The following BCL9 variants were observed in gnomAD, a reference collection of about 807,000 sequenced individuals.
The protein encoded by BCL9 is B-cell CLL/lymphoma 9 protein.
A neutral mutation model predicts 88.5 loss-of-function variants in BCL9; 25 were observed. The observed-to-expected ratio is 0.28, with a 90% CI of 0.21 to 0.39. The LOEUF is 0.39. Ranked by LOEUF, BCL9 falls within the 10% of genes least tolerant of loss-of-function variation. The probability of loss-of-function intolerance (pLI) is 1.00; values close to 1 mark genes in which losing one functional copy is unlikely to be tolerated. For missense variants in BCL9, 1,817 were observed against 1,877.8 expected (o/e 0.97, Z 0.60); for synonymous variants, 711 against 673.3 (o/e 1.06, Z -0.87).
At position 147,618,975 on chromosome 1, in the gene BCL9, C is replaced by T. The variant is rs1409359526; in HGVS notation, c.820C>T (p.Leu274=). 2 of 1,613,474 alleles carry T rather than the reference C, an allele frequency of 1.2e-6. No individual in the cohort carries two copies. Among genetic ancestry groups the T allele is most frequent in the Non-Finnish European group, 1.7e-6 (2 of 1,179,652 alleles). Residue 274 remains leucine (L), a synonymous_variant, in exon 8 of 10, where the codon CTG becomes TTG. Coordinates refer to ENST00000234739, the MANE Select transcript of BCL9 (RefSeq NM_004326.4). ...APKPAAPPRP[L]DRESPGVENK... Reference sequence around the variant, plus strand: ...CAAGCCTGCCGCACCCCCACGTCCCCTGGACCGGGAGAGTCCTGGGGTAGA... The same window carrying T: ...CAAGCCTGCCGCACCCCCACGTCCCTTGGACCGGGAGAGTCCTGGGGTAGA...
At chr1:147,590,012 T>C (rs1049445603) in intron 1 of BCL9, among the ~76,000 whole-genome samples, 14 of 152,194 alleles carry the variant, frequency 9.2e-5, no homozygotes, top group Non-Finnish European at 1.8e-4. Context: ...TTGTCTTTCT[T>C]TTTTATTATA....
At chr1:147,594,805 A>T (rs782389725) in intron 1 of BCL9, among the ~76,000 whole-genome samples, 1 of 152,236 alleles carries the variant, frequency 6.6e-6, no homozygotes, top group Non-Finnish European at 1.5e-5. Flanking sequence ...TGGACAGAGC[A>T]TTTTGGTAGA....
chr1:147,603,584 C>T (rs1334189749), intron 1 of BCL9, among the ~76,000 whole-genome samples: 2 of 152,188 alleles, frequency 1.3e-5, no homozygotes, highest in South Asian at 4.1e-4. Flanking sequence ...TCACTGCAAC[C>T]TCCACCTCCT....
At chr1:147,622,917 A>T (rs587772693) in intron 9 of BCL9, among the ~76,000 whole-genome samples, 1 of 151,778 alleles carries the variant, frequency 6.6e-6, no homozygotes, top group Admixed American at 6.6e-5. Context: ...CTCAAACCAC[A>T]AGCAGCCACA....
chr1:147,612,706 A>T (rs1658073630), intron 4 of BCL9, among the ~76,000 whole-genome samples, 177 bp from the exon 5 acceptor site: 1 of 151,928 alleles, frequency 6.6e-6, no homozygotes, highest in Non-Finnish European at 1.5e-5. Context: ...CTCTCTGTTG[A>T]TAGCTCTGAG....
chr1:147,603,230 T>C (rs953473659), intron 1 of BCL9, among the ~76,000 whole-genome samples: 1 of 152,198 alleles, frequency 6.6e-6, no homozygotes, highest in Non-Finnish European at 1.5e-5. Context: ...TGTTTTATAT[T>C]AGTTTTGAAA....
At chr1:147,555,907 C>T (rs1655087353) in intron 1 of BCL9, among the ~76,000 whole-genome samples, 1 of 152,162 alleles carries the variant, frequency 6.6e-6, no homozygotes, top group Non-Finnish European at 1.5e-5. Context: ...ACTCATATTT[C>T]ATTACTTTAA....
Position 147,619,530 on chromosome 1 carries a change from C to G in BCL9, c.1375C>G (p.Pro459Ala). The change falls in exon 8 of 10, where the codon CCC becomes GCC. Residue 459 changes from proline to alanine, a missense_variant. This residue lies in a region of BCL9 where 1,228 missense variants were observed against 1,191.6 expected (regional missense o/e 1.03). Coordinates refer to ENST00000234739, the MANE Select transcript of BCL9 (RefSeq NM_004326.4). This position sits in a 1 kb window ranked among gnomAD's most constrained non-coding sequence, Gnocchi z 4.1. ...GAACTCCCAGTCTGGGACCATAGGA[C>G]CCGACCACCTTGACCATATGACTCC... The part of the protein sequence containing the change: ...SMNSQSGTIG[P>A]DHLDHMTPEQ... The G allele has an allele frequency of 6.2e-7, 1 of 1,614,092 alleles. No homozygotes were observed. The highest frequency in any genetic ancestry group is 1.6e-4 in the Middle Eastern group (1 of 6,062).
At chr1:147,615,522 T>C (rs1658232940) in intron 6 of BCL9, among the ~76,000 whole-genome samples, 1 of 152,230 alleles carries the variant, frequency 6.6e-6, no homozygotes, top group Non-Finnish European at 1.5e-5. Flanking sequence ...ATAAAACACC[T>C]ACCACAGCGG....
chr1:147,545,229 G>A (rs1434241666), intron 1 of BCL9, among the ~76,000 whole-genome samples: 1 of 152,188 alleles, frequency 6.6e-6, no homozygotes, highest in Non-Finnish European at 1.5e-5. Flanking sequence ...ACCGGAGCTT[G>A]CCAGCTTGCT....
chr1:147,569,473 C>CAAAAA (rs79619243), intron 1 of BCL9, among the ~76,000 whole-genome samples: 2 of 124,942 alleles, frequency 1.6e-5, no homozygotes, highest in African/African-American at 3.1e-5. Context: ...TACTAAAATA[C>CAAAAA]AAAAAAAAAA....
intron 1 of BCL9, among the ~76,000 whole-genome samples, chr1:147,590,596 T>A (rs1285017312): frequency 7.5e-6 from 1 of 134,054 alleles, no homozygotes; most frequent in Non-Finnish European, 1.5e-5. Context: ...TGTGTTCTAG[T>A]TCAGGAATCA....
chr1:147,587,963 A>C (rs1656691141), intron 1 of BCL9, among the ~76,000 whole-genome samples: 1 of 152,244 alleles, frequency 6.6e-6, no homozygotes, highest in Non-Finnish European at 1.5e-5. Flanking sequence ...AATGAAATAT[A>C]ATGATCTAAA....
chr1:147,597,053 T>C (rs1325007700), intron 1 of BCL9, among the ~76,000 whole-genome samples: 1 of 152,162 alleles, frequency 6.6e-6, no homozygotes. Context: ...GAATGAACAA[T>C]CATTGGAATT....
chr1:147,592,153 G>C (rs1656873380), intron 1 of BCL9, among the ~76,000 whole-genome samples: 2 of 152,226 alleles, frequency 1.3e-5, no homozygotes, highest in Non-Finnish European at 2.9e-5. Context: ...ATCCTGAGCA[G>C]TGTTATTCCA....
At chr1:147,557,189 C>T (rs1655152237) in intron 1 of BCL9, among the ~76,000 whole-genome samples, 1 of 152,102 alleles carries the variant, frequency 6.6e-6, no homozygotes. Context: ...ATGTAATTAA[C>T]CTGGGTAACT....
At chr1:147,562,411 G>A (rs782016589) in intron 1 of BCL9, among the ~76,000 whole-genome samples, 2 of 152,078 alleles carry the variant, frequency 1.3e-5, no homozygotes, top group Non-Finnish European at 2.9e-5. Flanking sequence ...TCATTTCTTC[G>A]GTACTGGGGA....
At chr1:147,579,786 G>A (rs950480101) in intron 1 of BCL9, among the ~76,000 whole-genome samples, 3 of 152,110 alleles carry the variant, frequency 2.0e-5, no homozygotes, top group Non-Finnish European at 2.9e-5. Flanking sequence ...TTATCCCAAC[G>A]GCACTCACAG....
At chr1:147,583,644 A>G (rs1426037965) in intron 1 of BCL9, among the ~76,000 whole-genome samples, 1 of 151,786 alleles carries the variant, frequency 6.6e-6, no homozygotes, top group Admixed American at 6.6e-5. Flanking sequence ...GTATGTAATC[A>G]AGTCTATTCA....
Sources: allele counts gnomAD v4.1 joint callset (sites outside exome capture counted in the v4.1 genomes callset), GRCh38; gene constraint gnomAD v4.1.1; regional missense constraint gnomAD v4.1.1; non-coding constraint Gnocchi (gnomAD v3.1); transcripts MANE v1.5; gene names NCBI Gene and HGNC (gene_info 2026-07-23, HGNC 2026-07-21).